Variants in CDH13 observed in about 807,000 individuals in gnomAD.
CDH13 encodes the protein cadherin 13.
CDH13 carries 24 observed loss-of-function variants against 63.8 expected under a neutral mutation model. That is an observed-to-expected ratio of 0.38 (90% confidence interval 0.27 to 0.53). CDH13 has a LOEUF of 0.53. Ranked by LOEUF, CDH13 falls within the 20% of genes least tolerant of loss-of-function variation. CDH13 has a pLI of 0.85. For missense variants in CDH13, 1,049 were observed against 903.1 expected (o/e 1.16, Z -2.07); for synonymous variants, 503 against 355.3 (o/e 1.42, Z -4.67).
At chr16:83,133,657 C>T (rs1195366505) in intron 4 of CDH13, among the ~76,000 whole-genome samples, 1 of 152,094 alleles carries the variant, frequency 6.6e-6, no homozygotes, top group Non-Finnish European at 1.5e-5. Flanking sequence ...CACCACCATG[C>T]CTGGCCAACT....
chr16:83,114,560 A>G (rs1490158677), intron 3 of CDH13, among the ~76,000 whole-genome samples: 6 of 152,202 alleles, frequency 3.9e-5, no homozygotes, highest in African/African-American at 1.4e-4. Flanking sequence ...GATAATTTCT[A>G]TATCACCACA....
At chr16:83,662,318 G>C (rs1031956451) in intron 8 of CDH13, among the ~76,000 whole-genome samples, 12 of 152,244 alleles carry the variant, frequency 7.9e-5, no homozygotes, top group Admixed American at 3.9e-4. Context: ...TAGCTAGTAG[G>C]TACTCTCTCT....
rs538092677 is a variant in CDH13 at position 82,976,549 on chromosome 16, T to G, written c.158-55461T>G. Reference sequence around the variant, plus strand: ...GTCTGTCCCTGTGCTAAGTGCTCCATGTGCATTAGATAAATTATGCCTCAA... The same window carrying G: ...GTCTGTCCCTGTGCTAAGTGCTCCAGGTGCATTAGATAAATTATGCCTCAA... On this transcript the variant is annotated intron_variant, in intron 2 of 13. Transcript: ENST00000567109. Among the ~76,000 whole-genome samples, 3 of 152,290 alleles carry G rather than the reference T, an allele frequency of 2.0e-5. No homozygotes were observed. The East Asian group carries it at 5.8e-4, about 29-fold the overall frequency.
At chr16:82,985,025 C>T (rs1355863063) in intron 2 of CDH13, among the ~76,000 whole-genome samples, 1 of 152,162 alleles carries the variant, frequency 6.6e-6, no homozygotes, top group East Asian at 1.9e-4. Context: ...CAGTGATGAG[C>T]AGGACAGCAT....
intron 6 of CDH13, among the ~76,000 whole-genome samples, chr16:83,345,458 A>G (rs2090820033): frequency 6.6e-6 from 1 of 152,210 alleles, no homozygotes; most frequent in Non-Finnish European, 1.5e-5. Context: ...CCCTTAGAAG[A>G]TGTGCATGAA....
In CDH13 at chr16:82,651,997, C is replaced by T. The variant is rs1295646678; in HGVS notation, c.45+24860C>T. ...AGAACAAGTTGGAGCTTTTCGTCTT[C>T]TTTAAGCCTACTAGTTTCACTTCTC... is the stretch of plus-strand genomic sequence containing the variant. On this transcript the variant is annotated intron_variant, in intron 1 of 13. Transcript: ENST00000567109. Among the ~76,000 whole-genome samples the T allele has an allele frequency of 2.0e-5, 3 of 152,228 alleles. No individual in the cohort carries two copies. The East Asian group carries it at 5.8e-4, about 29-fold the overall frequency.
chr16:83,602,126 A>C, intron 7 of CDH13, among the ~76,000 whole-genome samples: 2 of 104,356 alleles, frequency 1.9e-5, no homozygotes, highest in Non-Finnish European at 3.9e-5. Context: ...AAAAAAAAAA[A>C]AAAAAAAAAA....
intron 11 of CDH13, among the ~76,000 whole-genome samples, chr16:83,769,704 A>C (rs1028600190): frequency 1.3e-5 from 2 of 151,906 alleles, no homozygotes; most frequent in South Asian, 4.2e-4. Context: ...TCCTGAGGCC[A>C]CCCCAGAAGT....
rs984543424 is a variant in CDH13 at position 83,529,482 on chromosome 16, A to T, written c.960+42827A>T. ...TACTACATCCATTCTAGGAAATACTATATGGCTTTAAAAAATAACTGATAA... is the reference window on the plus strand; with the variant it reads ...TACTACATCCATTCTAGGAAATACTTTATGGCTTTAAAAAATAACTGATAA... On this transcript the variant is annotated intron_variant, in intron 7 of 13. Coordinates refer to ENST00000567109, the MANE Select transcript of CDH13 (RefSeq NM_001257.5). Among the ~76,000 whole-genome samples, 7 of 152,342 alleles carry T rather than the reference A, an allele frequency of 4.6e-5. No individual in the cohort carries two copies. In the South Asian group the frequency reaches 1.0e-3, roughly 23 times the overall value.
intron 3 of CDH13, among the ~76,000 whole-genome samples, chr16:83,065,072 TG>T (rs1419712696): frequency 6.6e-6 from 1 of 152,168 alleles, no homozygotes; most frequent in Non-Finnish European, 1.5e-5. Flanking sequence ...TAGCTTTATT[TG>T]ATTTCCCATA....
intron 4 of CDH13, among the ~76,000 whole-genome samples, chr16:83,132,188 C>T (rs1357626582): frequency 6.6e-6 from 1 of 152,112 alleles, no homozygotes; most frequent in African/African-American, 2.4e-5. Flanking sequence ...AGAGGCTGAA[C>T]CAGAAAGCTG....
intron 1 of CDH13, among the ~76,000 whole-genome samples, chr16:82,742,375 T>C (rs889853783): frequency 2.1e-4 from 32 of 152,148 alleles, no homozygotes; most frequent in Non-Finnish European, 1.3e-4. Flanking sequence ...ATAGCATTTA[T>C]AGTAAATGAA....
At chr16:83,087,393 G>T (rs896946666) in intron 3 of CDH13, among the ~76,000 whole-genome samples, 1 of 152,044 alleles carries the variant, frequency 6.6e-6, no homozygotes, top group African/African-American at 2.4e-5. Flanking sequence ...GCACCAGCTG[G>T]ACACGGTGGC....
At chr16:83,523,501 A>G (rs913806693) in intron 7 of CDH13, among the ~76,000 whole-genome samples, 2 of 152,050 alleles carry the variant, frequency 1.3e-5, no homozygotes, top group Admixed American at 1.3e-4. Flanking sequence ...CCTGGAATCC[A>G]CTGGAGCAGC....
At chr16:83,186,544 TG>T (rs374914184) in intron 4 of CDH13, among the ~76,000 whole-genome samples, 1 of 152,154 alleles carries the variant, frequency 6.6e-6, no homozygotes, top group African/African-American at 2.4e-5. Flanking sequence ...TTGTTGTTAT[TG>T]TTTTGTTTTT....
chr16:83,685,521 G>C (rs887208067), intron 10 of CDH13, among the ~76,000 whole-genome samples: 1 of 152,226 alleles, frequency 6.6e-6, no homozygotes, highest in Non-Finnish European at 1.5e-5. Context: ...CTGTGGGCCT[G>C]ACGCTGTGCT....
chr16:83,039,750 TC>T (rs1306932572), intron 3 of CDH13, among the ~76,000 whole-genome samples: 2 of 152,078 alleles, frequency 1.3e-5, no homozygotes, highest in African/African-American at 4.8e-5. Context: ...CATTGAACTC[TC>T]CCTCCTTCAA....
intron 8 of CDH13, among the ~76,000 whole-genome samples, chr16:83,627,409 C>A (rs1910411360): frequency 6.6e-6 from 1 of 152,224 alleles, no homozygotes; most frequent in South Asian, 2.1e-4. Flanking sequence ...TGAGAGGCCT[C>A]TGATCTGAAT....
intron 6 of CDH13, among the ~76,000 whole-genome samples, chr16:83,473,175 A>C (rs1598100837): frequency 2.6e-5 from 4 of 152,196 alleles, no homozygotes; most frequent in African/African-American, 9.7e-5. Flanking sequence ...CCATAGACTC[A>C]TAAAGCAACT....
Sources: gnomAD v4.1 joint callset for allele counts (sites outside exome capture counted in the v4.1 genomes callset) on GRCh38, gnomAD v4.1.1 for gene constraint, MANE v1.5 for transcripts, NCBI Gene and HGNC (gene_info 2026-07-23, HGNC 2026-07-21) for gene names.